Variants in AMPD3 observed in about 807,000 individuals in gnomAD.
AMPD3 encodes the protein AMP deaminase 3.
Under a neutral mutation model 82.3 loss-of-function variants are expected in AMPD3, and 57 were observed. The ratio of observed to expected loss-of-function variants is 0.69; its 90% confidence interval spans 0.56 to 0.86. The LOEUF is 0.86. Among genes scored for constraint, AMPD3 ranks in the 40% least tolerant of loss-of-function variants. The pLI is 0.00. For missense variants in AMPD3, 870 were observed against 1,003.8 expected (o/e 0.87, Z 1.80); for synonymous variants, 381 against 394.7 (o/e 0.97, Z 0.41).
chr11:10,451,062 G>T, upstream of AMPD3: 5 of 1,571,480 alleles, frequency 3.2e-6, no homozygotes, highest in Non-Finnish European at 3.4e-6. Flanking sequence ...GCGCGAGGCT[G>T]CGCTGCTGAC....
intron 10 of AMPD3, among the ~76,000 whole-genome samples, chr11:10,498,858 T>C (rs969027424): frequency 1.3e-5 from 2 of 152,210 alleles, no homozygotes; most frequent in Non-Finnish European, 2.9e-5. Context: ...AAGCCTCCCC[T>C]GTGCGCTGAG....
Position 10,462,184 on chromosome 11 carries a change from C to A in AMPD3, c.221+444C>A, listed in dbSNP as rs148625286. The stretch of plus-strand genomic sequence containing the variant: ...TCTAGACAATAATTAAGTAACTGGA[C>A]AAATTAACTTAAAAATTACAAGTTA... On this transcript the variant is annotated intron_variant, in intron 2 of 14. Coordinates refer to ENST00000396553, the MANE Select transcript of AMPD3 (RefSeq NM_001025389.2). 2.3e-4 allele frequency among the ~76,000 whole-genome samples: 35 copies of A among 152,164 alleles called. No individual in the cohort carries two copies. In the East Asian group the frequency reaches 5.8e-3, roughly 25 times the overall value.
At chr11:10,466,854 C>T (rs962541130) in intron 2 of AMPD3, among the ~76,000 whole-genome samples, 2 of 152,216 alleles carry the variant, frequency 1.3e-5, no homozygotes, top group Non-Finnish European at 1.5e-5. Context: ...GAACAGGCAG[C>T]AGTCTTTGCT....
Position 10,505,693 on chromosome 11 carries a change from T to C in AMPD3, c.2128-15T>C. 1.2e-6 allele frequency: 2 copies of C among 1,612,766 alleles called. No homozygotes were observed. The highest frequency in any genetic ancestry group is 1.7e-6 in the Non-Finnish European group (2 of 1,179,994). ...AAAAGTATATAGTTTCATTTGTATT[T>C]CTCTTGGTCCACAGGAAAAGCAAAA... On this transcript the variant is annotated splice_polypyrimidine_tract_variant and intron_variant, in intron 14 of 14. Coordinates refer to ENST00000396553, the MANE Select transcript of AMPD3 (RefSeq NM_001025389.2).
intron 8 of AMPD3, 117 bp from the exon 9 acceptor site, chr11:10,495,453 T>C (rs761867200): frequency 3.8e-6 from 6 of 1,581,310 alleles, no homozygotes; most frequent in Non-Finnish European, 5.2e-6. Context: ...AGATGAGTGC[T>C]TCCAGCCTGG....
At chr11:10,454,589 C>T (rs1314325436), upstream of AMPD3, among the ~76,000 whole-genome samples, 1 of 152,162 alleles carries the variant, frequency 6.6e-6, no homozygotes, top group African/African-American at 2.4e-5. Context: ...CAGTGTTTTC[C>T]AAGCCTTCTG....
chr11:10,480,735 T>C (rs1848879687), intron 3 of AMPD3, among the ~76,000 whole-genome samples: 2 of 152,200 alleles, frequency 1.3e-5, no homozygotes, highest in Non-Finnish European at 2.9e-5. Context: ...TATATTATCT[T>C]TGGTGCCTGT....
At chr11:10,460,776 C>A in intron 1 of AMPD3, 2 of 490,556 alleles carry the variant, frequency 4.1e-6, no homozygotes, top group African/African-American at 2.1e-5. Context: ...ATGAAGAAAG[C>A]AAGCAAGCAA....
rs1247161223 is a variant in AMPD3 at position 10,495,660 on chromosome 11, C to T, written c.1357C>T (p.Leu453=). Residue 453 remains leucine, a synonymous_variant, in exon 9 of 15, where the codon CTG becomes TTG. Coordinates refer to ENST00000396553, the MANE Select transcript of AMPD3 (RefSeq NM_001025389.2). The stretch of plus-strand genomic sequence containing the variant: ...CCGCAGTCCTGAGGAGTGGCCCAAC[C>T]TGGCCTACTGGTTCATCCAGCACAA... ...YGRSPEEWPN[L]AYWFIQHKVY... The T allele has an allele frequency of 6.2e-7, 1 of 1,614,156 alleles. No homozygotes were observed. Among genetic ancestry groups the T allele is most frequent in the Admixed American group, 1.7e-5 (1 of 60,018 alleles).
chr11:10,450,614 C>T (rs981496190), upstream of AMPD3: 20 of 992,922 alleles, frequency 2.0e-5, no homozygotes, highest in African/African-American at 3.3e-4. Context: ...GGCTGCGGCG[C>T]GGGCCCCGCG....
At position 10,478,461 on chromosome 11, in the gene AMPD3, A is replaced by G; in HGVS notation, c.222-65A>G. ...TTCTCCTGCCACGCACACAGCAAAG[A>G]GTCTTTATCACTCACCCCAATTAGC... is the stretch of plus-strand genomic sequence containing the variant. On this transcript the variant is annotated intron_variant, in intron 2 of 14. Transcript: ENST00000396553. 1.9e-6 allele frequency: 3 copies of G among 1,598,392 alleles called. No individual in the cohort carries two copies. In the South Asian group the frequency reaches 3.3e-5, roughly 18 times the overall value.
chr11:10,460,833 T>A (rs1028263177), intron 1 of AMPD3: 22 of 953,904 alleles, frequency 2.3e-5, no homozygotes, highest in Non-Finnish European at 2.6e-5. Flanking sequence ...CAGTGACTGT[T>A]AGTAAGGAAT....
chr11:10,475,356 A>G (rs1414383442), intron 2 of AMPD3, among the ~76,000 whole-genome samples: 5 of 152,120 alleles, frequency 3.3e-5, no homozygotes, highest in African/African-American at 4.8e-5. Context: ...CCTACCTCCA[A>G]CACCGGGGAT....
intron 6 of AMPD3, among the ~76,000 whole-genome samples, chr11:10,491,840 G>T (rs559586849): frequency 6.6e-6 from 1 of 152,260 alleles, no homozygotes; most frequent in South Asian, 2.1e-4. Flanking sequence ...ACTGCCTTTG[G>T]GTTATCCAGA....
chr11:10,501,371 G>T, intron 11 of AMPD3, 99 bp from the exon 12 acceptor site: 2 of 1,546,576 alleles, frequency 1.3e-6, no homozygotes, highest in Middle Eastern at 2.4e-4. Context: ...GACCATGGGT[G>T]GTCATTCCCC....
At chr11:10,479,896 G>C in intron 3 of AMPD3, 1 of 985,322 alleles carries the variant, frequency 1.0e-6, no homozygotes, top group South Asian at 4.7e-5. Context: ...GTTTAGGTTG[G>C]GTTGGAAACA....
chr11:10,494,506 G>T, intron 7 of AMPD3: 2 of 884,148 alleles, frequency 2.3e-6, no homozygotes, highest in Non-Finnish European at 2.6e-6. Context: ...TGCTTTATTA[G>T]AACAAAAAAA....
intron 5 of AMPD3, chr11:10,486,717 A>G: frequency 1.0e-6 from 1 of 985,420 alleles, no homozygotes; most frequent in Non-Finnish European, 1.2e-6. Flanking sequence ...TGGGCAGGTC[A>G]TGCCTTATAG....
chr11:10,495,217 G>A (rs1849358189), intron 8 of AMPD3, 187 bp downstream of exon 8: 1 of 985,306 alleles, frequency 1.0e-6, no homozygotes, highest in African/African-American at 1.7e-5. Context: ...TGCTGCATGT[G>A]CCAACTGCAG....
Sources: allele counts gnomAD v4.1 joint callset (sites outside exome capture counted in the v4.1 genomes callset), GRCh38; gene constraint gnomAD v4.1.1; transcripts MANE v1.5; gene names NCBI Gene and HGNC (gene_info 2026-07-23, HGNC 2026-07-21).